PCSK2: variants seen among roughly 807,000 people sequenced by gnomAD.
The protein encoded by PCSK2 is proprotein convertase subtilisin/kexin type 2.
Under a neutral mutation model 69.7 loss-of-function variants are expected in PCSK2, and 14 were observed. That is an observed-to-expected ratio of 0.20 (90% CI 0.13 to 0.31). The LOEUF (loss-of-function observed/expected upper bound fraction) is 0.31. PCSK2 is among the 10% of genes least tolerant of loss of function. The pLI is 1.00. For synonymous variants in PCSK2, 307 were observed against 320.7 expected (o/e 0.96, Z 0.46); for missense variants, 544 against 842.5 (o/e 0.65, Z 4.39).
intron 10 of PCSK2, chr20:17,463,902 C>CA (rs2033054854): frequency 6.6e-6 from 1 of 152,148 alleles, no homozygotes; most frequent in Non-Finnish European, 1.5e-5. Context: ...AACTGTAGTG[C>CA]AAGGTTTTGC....
intron 2 of PCSK2, among the ~76,000 whole-genome samples, chr20:17,283,562 G>A (rs1239246552): frequency 1.3e-5 from 2 of 152,324 alleles, no homozygotes; most frequent in East Asian, 3.9e-4. Context: ...CATACCTTAA[G>A]TACCTACGAA....
rs141151886 is a variant in PCSK2 at position 17,479,415 on chromosome 20, C to T, written c.1431-2169C>T. ...ATTGAGGCCAACCTCGTCGCAGTGGCGATGGTACTCCTCCATGGTAGCGCC... is the reference window on the plus strand; with the variant it reads ...ATTGAGGCCAACCTCGTCGCAGTGGTGATGGTACTCCTCCATGGTAGCGCC... On this transcript the variant is annotated intron_variant, in intron 11 of 11. Coordinates refer to ENST00000262545, the MANE Select transcript of PCSK2 (RefSeq NM_002594.5). 606 of 629,868 alleles carry T rather than the reference C, an allele frequency of 9.6e-4. 5 individuals carry two copies. The highest frequency in any genetic ancestry group is 8.7e-3 in the African/African-American group (479 of 54,944). 39.0% of individuals were successfully genotyped at this position (629,868 alleles called of 1,614,324 possible). A position where few individuals can be genotyped will look rare whatever the true frequency, so the allele number is the denominator to read the frequency against.
At chr20:17,365,207 T>A (rs1256355887) in intron 4 of PCSK2, among the ~76,000 whole-genome samples, 1 of 152,054 alleles carries the variant, frequency 6.6e-6, no homozygotes, top group Non-Finnish European at 1.5e-5. Context: ...TGTTGCTCCA[T>A]CCTGTGGAGG....
intron 2 of PCSK2, among the ~76,000 whole-genome samples, chr20:17,348,862 C>T (rs1006613973): frequency 1.3e-5 from 2 of 152,154 alleles, no homozygotes; most frequent in African/African-American, 4.8e-5. Context: ...TCAAATGCAA[C>T]CTCATTCTGA....
chr20:17,466,796 G>A (rs1247040174), intron 11 of PCSK2, among the ~76,000 whole-genome samples: 5 of 152,060 alleles, frequency 3.3e-5, no homozygotes, highest in South Asian at 2.1e-4. Context: ...AGGAAGATTC[G>A]TCATACCTGC....
intron 2 of PCSK2, among the ~76,000 whole-genome samples, chr20:17,286,352 T>C (rs1246962782): frequency 6.6e-6 from 1 of 152,246 alleles, no homozygotes; most frequent in Non-Finnish European, 1.5e-5. Context: ...ATGCTAATGT[T>C]AAACGAAAGA....
At chr20:17,454,933 G>A (rs2032892845) in intron 9 of PCSK2, among the ~76,000 whole-genome samples, 1 of 152,186 alleles carries the variant, frequency 6.6e-6, no homozygotes, top group Admixed American at 6.5e-5. Flanking sequence ...GACCTTAAAA[G>A]CCTGTCCTTC....
chr20:17,261,560 G>A (rs1382591023), intron 2 of PCSK2, among the ~76,000 whole-genome samples: 2 of 152,200 alleles, frequency 1.3e-5, no homozygotes, highest in Non-Finnish European at 2.9e-5. Context: ...TAAGCTGCCT[G>A]TGCTGCCAGC....
At chr20:17,481,171 A>G (rs1476366996) in intron 11 of PCSK2, among the ~76,000 whole-genome samples, 1 of 152,132 alleles carries the variant, frequency 6.6e-6, no homozygotes, top group African/African-American at 2.4e-5. Flanking sequence ...ACTTGAGGCC[A>G]GGAGTTCAAG....
intron 5 of PCSK2, among the ~76,000 whole-genome samples, chr20:17,383,979 A>C (rs868530199): frequency 1.9e-4 from 29 of 152,372 alleles, no homozygotes; most frequent in Admixed American, 6.5e-4. Context: ...GACTCATCCC[A>C]TTGTGTTGAA....
intron 1 of PCSK2, among the ~76,000 whole-genome samples, chr20:17,257,504 T>A (rs1987224217): frequency 6.6e-6 from 1 of 152,360 alleles, no homozygotes; most frequent in South Asian, 2.1e-4. Flanking sequence ...TTATTTAATG[T>A]CTTTCTGGAC....
chr20:17,458,625 A>G (rs777096144), intron 10 of PCSK2, among the ~76,000 whole-genome samples: 10 of 152,208 alleles, frequency 6.6e-5, no homozygotes, highest in Admixed American at 1.3e-4. Flanking sequence ...TCTTATCTTG[A>G]GATAAGGTTA....
At chr20:17,228,848 G>A (rs913689923) in intron 1 of PCSK2, among the ~76,000 whole-genome samples, 2 of 152,190 alleles carry the variant, frequency 1.3e-5, no homozygotes, top group Admixed American at 1.3e-4. Flanking sequence ...AGAGGCTCTG[G>A]GTCCGCCGGT....
chr20:17,311,621 T>C (rs1424881721), intron 2 of PCSK2, among the ~76,000 whole-genome samples: 1 of 152,144 alleles, frequency 6.6e-6, no homozygotes, highest in East Asian at 1.9e-4. Context: ...CAAAGATGGA[T>C]GTGTCTTCAT....
intron 2 of PCSK2, among the ~76,000 whole-genome samples, chr20:17,296,651 A>T (rs1988904217): frequency 6.6e-6 from 1 of 152,228 alleles, no homozygotes; most frequent in Non-Finnish European, 1.5e-5. Context: ...ACGTGAGCTC[A>T]AATCACCTTA....
chr20:17,269,685 C>T (rs1037768614), intron 2 of PCSK2, among the ~76,000 whole-genome samples: 1 of 152,150 alleles, frequency 6.6e-6, no homozygotes, highest in Non-Finnish European at 1.5e-5. Context: ...GCTCTTAAAC[C>T]TGCAATCCCA....
intron 1 of PCSK2, among the ~76,000 whole-genome samples, chr20:17,227,781 C>G (rs575809292): frequency 6.8e-4 from 103 of 152,300 alleles, no homozygotes; most frequent in Non-Finnish European, 1.3e-3. Context: ...TCCGAGGTAC[C>G]AAGTTCTCGA....
chr20:17,286,303 A>T (rs151008279), intron 2 of PCSK2, among the ~76,000 whole-genome samples: 2,536 of 152,332 alleles, frequency 0.017, 30 homozygotes, highest in Non-Finnish European at 0.027. Flanking sequence ...AATAGTGTAT[A>T]ACAAAACCCA....
At chr20:17,351,145 G>A (rs990889257) in intron 2 of PCSK2, among the ~76,000 whole-genome samples, 12 of 152,120 alleles carry the variant, frequency 7.9e-5, no homozygotes, top group Non-Finnish European at 1.2e-4. Flanking sequence ...GGTCATAACT[G>A]GCACATCATA....
Sources: gnomAD v4.1 joint callset for allele counts (sites outside exome capture counted in the v4.1 genomes callset) on GRCh38, gnomAD v4.1.1 for gene constraint, MANE v1.5 for transcripts, NCBI Gene and HGNC (gene_info 2026-07-23, HGNC 2026-07-21) for gene names.